NDRG3: variants seen among roughly 807,000 people sequenced by gnomAD.
NDRG3 encodes the protein protein NDRG3.
A neutral mutation model predicts 57.2 loss-of-function variants in NDRG3; 23 were observed. That is an observed-to-expected ratio of 0.40 (90% confidence interval 0.29 to 0.57). The LOEUF (loss-of-function observed/expected upper bound fraction) is 0.57, where lower values mean the gene tolerates loss of function less well. Among genes scored for constraint, NDRG3 ranks in the 20% least tolerant of loss-of-function variants. NDRG3 has a pLI of 0.42. For missense variants in NDRG3, 384 were observed against 457.3 expected (o/e 0.84, Z 1.46); for synonymous variants, 132 against 162.6 (o/e 0.81, Z 1.43).
chr20:36,719,825 A>C (rs1313092156), intron 2 of NDRG3, among the ~76,000 whole-genome samples: 1 of 151,918 alleles, frequency 6.6e-6, no homozygotes, highest in Non-Finnish European at 1.5e-5. Context: ...GAAAAGAAGG[A>C]ATTTCAAGCA....
chr20:36,660,467 G>T, intron 12 of NDRG3, 83 bp from the exon 13 acceptor site: 3 of 1,012,246 alleles, frequency 3.0e-6, no homozygotes, highest in Non-Finnish European at 4.6e-6. Context: ...GAATCATCTT[G>T]CAAGATCAAC....
intron 8 of NDRG3, among the ~76,000 whole-genome samples, chr20:36,677,491 G>A (rs899007665): frequency 5.9e-5 from 9 of 152,200 alleles, no homozygotes; most frequent in South Asian, 4.1e-4. Flanking sequence ...CTCAGCCAGC[G>A]CAGGGTAGAG....
chr20:36,743,828 C>CA (rs1175860790), intron 1 of NDRG3, among the ~76,000 whole-genome samples: 1 of 147,760 alleles, frequency 6.8e-6, no homozygotes, highest in African/African-American at 2.5e-5. Context: ...AAAAAACAAA[C>CA]AAAAACAAAC....
intron 5 of NDRG3, among the ~76,000 whole-genome samples, chr20:36,684,796 C>T (rs1259936551): frequency 6.6e-6 from 1 of 150,916 alleles, no homozygotes; most frequent in Non-Finnish European, 1.5e-5. Flanking sequence ...CTGCCGTGAG[C>T]GGAGATCATG....
intron 10 of NDRG3, among the ~76,000 whole-genome samples, chr20:36,665,972 T>G (rs1979597745): frequency 6.6e-6 from 1 of 152,168 alleles, no homozygotes; most frequent in South Asian, 2.1e-4. Flanking sequence ...GGTGTTTTCC[T>G]TGTAACTGAG....
chr20:36,736,134 G>A (rs1327468061), intron 1 of NDRG3, among the ~76,000 whole-genome samples: 1 of 152,132 alleles, frequency 6.6e-6, no homozygotes, highest in African/African-American at 2.4e-5. Context: ...GGAGCAGAAT[G>A]ACACAGAAGC....
intron 8 of NDRG3, 74 bp from the exon 9 acceptor site, chr20:36,671,471 G>T: frequency 1.8e-6 from 2 of 1,117,340 alleles, no homozygotes; most frequent in Non-Finnish European, 1.4e-6. Context: ...ATTAAAATGA[G>T]TGCACTTTAT....
chr20:36,694,216 C>T (rs1982579877), intron 3 of NDRG3, among the ~76,000 whole-genome samples: 1 of 151,966 alleles, frequency 6.6e-6, no homozygotes, highest in African/African-American at 2.4e-5. Flanking sequence ...AAAGGGGAGG[C>T]AGGGGAGGCA....
At chr20:36,737,696 T>C (rs528681616) in intron 1 of NDRG3, among the ~76,000 whole-genome samples, 1 of 152,216 alleles carries the variant, frequency 6.6e-6, no homozygotes, top group East Asian at 1.9e-4. Flanking sequence ...TAACCAATTT[T>C]CCCCACTTGA....
chr20:36,671,953 G>A (rs1980213534), intron 8 of NDRG3, among the ~76,000 whole-genome samples: 2 of 152,156 alleles, frequency 1.3e-5, no homozygotes, highest in South Asian at 2.1e-4. Context: ...GGACTGGAAG[G>A]ACAATGTCAA....
intron 8 of NDRG3, among the ~76,000 whole-genome samples, chr20:36,678,269 A>G (rs1179614902): frequency 6.6e-6 from 1 of 152,184 alleles, no homozygotes; most frequent in Non-Finnish European, 1.5e-5. Flanking sequence ...CACATACAGA[A>G]TATTTTTTAA....
intron 2 of NDRG3, among the ~76,000 whole-genome samples, chr20:36,713,218 A>T (rs1360128548): frequency 6.6e-6 from 1 of 152,220 alleles, no homozygotes; most frequent in Non-Finnish European, 1.5e-5. Flanking sequence ...TTGAAGAGGA[A>T]AAAAATCAAG....
At chr20:36,724,315 G>A (rs6072018) in intron 1 of NDRG3, among the ~76,000 whole-genome samples, 62,583 of 152,022 alleles carry the variant, frequency 0.41, 13,523 homozygotes, top group East Asian at 0.65. Flanking sequence ...ATTTGATGAT[G>A]TTTAACCTCC....
At chr20:36,744,299 T>G (rs2425268) in intron 1 of NDRG3, among the ~76,000 whole-genome samples, 9,507 of 152,022 alleles carry the variant, frequency 0.063, 1,031 homozygotes, top group African/African-American at 0.22. Context: ...ATGACAAGTT[T>G]AATCTGAAGG....
chr20:36,698,871 C>G (rs982957716), intron 3 of NDRG3, among the ~76,000 whole-genome samples: 5 of 151,792 alleles, frequency 3.3e-5, no homozygotes, highest in Non-Finnish European at 7.4e-5. Flanking sequence ...AAAAATATAC[C>G]ACTTATGCCA....
rs149227926 is a variant in NDRG3 at position 36,731,517 on chromosome 20, T to C, written c.-48-9734A>G. ...CTATGTACATCACTTTTTAGAAATA[T>C]AGAAATTAGGCCAGGCGCGATGGGT... On this transcript the variant is annotated intron_variant, in intron 1 of 15. Coordinates refer to ENST00000349004, the MANE Select transcript of NDRG3 (RefSeq NM_032013.4). Among the ~76,000 whole-genome samples, 1,374 of 152,052 alleles carry C rather than the reference T, an allele frequency of 9.0e-3. 20 individuals are homozygous for C. The highest frequency in any genetic ancestry group is 0.031 in the African/African-American group (1,298 of 41,478).
At chr20:36,714,844 C>T (rs1166823375) in intron 2 of NDRG3, among the ~76,000 whole-genome samples, 1 of 150,966 alleles carries the variant, frequency 6.6e-6, no homozygotes, top group Non-Finnish European at 1.5e-5. Context: ...AACTCCCGAC[C>T]TCAGGTGATC....
chr20:36,701,955 C>G (rs1373905121), intron 3 of NDRG3, among the ~76,000 whole-genome samples: 1 of 151,726 alleles, frequency 6.6e-6, no homozygotes. Flanking sequence ...CTTGAGCCCT[C>G]TGACTTCAAT....
chr20:36,670,507 T>C (rs1011993521), intron 9 of NDRG3, among the ~76,000 whole-genome samples: 3 of 152,206 alleles, frequency 2.0e-5, no homozygotes, highest in Non-Finnish European at 4.4e-5. Context: ...AAATGTCAGC[T>C]CCACACTTAC....
Sources: gnomAD v4.1 joint callset for allele counts (sites outside exome capture counted in the v4.1 genomes callset) on GRCh38, gnomAD v4.1.1 for gene constraint, MANE v1.5 for transcripts, NCBI Gene and HGNC (gene_info 2026-07-23, HGNC 2026-07-21) for gene names.